The following PRKN variants were observed in gnomAD, a reference collection of about 807,000 sequenced individuals.
The protein encoded by PRKN is E3 ubiquitin-protein ligase parkin.
Under a neutral mutation model 59.5 loss-of-function variants are expected in PRKN, and 56 were observed. That is an observed-to-expected ratio of 0.94 (90% CI 0.76 to 1.18). The LOEUF (loss-of-function observed/expected upper bound fraction) is 1.18. PRKN is among the 50% of genes most tolerant of loss of function. The pLI, the probability that PRKN is intolerant of heterozygous loss-of-function variation, is 0.00. For synonymous variants in PRKN, 250 were observed against 222.1 expected, an observed-to-expected ratio of 1.13 and a Z score of -1.12; for missense variants, 657 against 596.4, an observed-to-expected ratio of 1.10 and a Z score of -1.06.
At chr6:162,632,074 C>T (rs1783131274) in intron 1 of PRKN, among the ~76,000 whole-genome samples, 1 of 151,722 alleles carries the variant, frequency 6.6e-6, no homozygotes, top group Admixed American at 6.6e-5. Flanking sequence ...TAAATTAGTC[C>T]AGCCACTGTG....
intron 6 of PRKN, among the ~76,000 whole-genome samples, chr6:161,882,973 C>A (rs540821806): frequency 1.3e-5 from 2 of 151,574 alleles, no homozygotes; most frequent in South Asian, 4.2e-4. Context: ...CCACAGCACT[C>A]CAGCCTGGGC....
At position 162,481,446 on chromosome 6, in the gene PRKN, G is replaced by A. The variant is rs145201782; in HGVS notation, c.8-37973C>T. ...TCTAAGATTCTACCACTACTGGTGG[G>A]GGAAAAAAAAGCAGTTTTTTTGTTA... On this transcript the variant is annotated intron_variant, in intron 1 of 11. Coordinates refer to ENST00000366898, the MANE Select transcript of PRKN (RefSeq NM_004562.3). Among the ~76,000 whole-genome samples the A allele has an allele frequency of 4.5e-3, 686 of 152,070 alleles. 3 individuals are homozygous for A. Among genetic ancestry groups the A allele is most frequent in the Non-Finnish European group, 7.4e-3 (503 of 67,972 alleles).
chr6:161,784,571 A>G (rs777670007), intron 7 of PRKN, among the ~76,000 whole-genome samples: 12 of 152,336 alleles, frequency 7.9e-5, no homozygotes, highest in Middle Eastern at 3.4e-3. Context: ...CAAATCCACA[A>G]TAAGACACCA....
intron 6 of PRKN, among the ~76,000 whole-genome samples, chr6:161,883,322 T>G (rs1795011961): frequency 6.6e-6 from 1 of 152,066 alleles, no homozygotes; most frequent in South Asian, 2.1e-4. Context: ...GCCAACATGG[T>G]GATACCCCAT....
chr6:162,676,656 T>C (rs1342076378), intron 1 of PRKN, among the ~76,000 whole-genome samples: 4 of 152,216 alleles, frequency 2.6e-5, no homozygotes, highest in African/African-American at 9.6e-5. Context: ...TTTAGCTAAA[T>C]ATTTTGAGCT....
In PRKN at chr6:162,718,951, T is replaced by C. The variant is rs111875701; in HGVS notation, c.7+8711A>G. Among the ~76,000 whole-genome samples, 245 of 150,694 alleles carry C rather than the reference T, an allele frequency of 1.6e-3. 2 individuals are homozygous for C. Among genetic ancestry groups the C allele is most frequent in the African/African-American group, 5.6e-3 (231 of 41,190 alleles). ...AGACACGGCAGATGCCACACACACA[T>C]ACACACACACACACACGAGAAAGGG... On this transcript the variant is annotated intron_variant, in intron 1 of 11. Transcript: ENST00000366898.
At chr6:162,489,008 T>G (rs57110552) in intron 1 of PRKN, among the ~76,000 whole-genome samples, 22,611 of 152,038 alleles carry the variant, frequency 0.15, 1,870 homozygotes, top group Non-Finnish European at 0.17. Context: ...CCTGAAACTT[T>G]AAAGATGAGT....
rs150296285 is a variant in PRKN, at chr6:161,352,926, C to A, written c.1286-2715G>T. On this transcript the variant is annotated intron_variant, in intron 11 of 11. Coordinates refer to ENST00000366898, the MANE Select transcript of PRKN (RefSeq NM_004562.3). This position sits in a 1 kb window ranked among gnomAD's most constrained non-coding sequence, Gnocchi z 5.8. ...TCTCGAGTAGTTGGAATTACAGGCACCTGCCACCACGCCTGGCTAAATTTT... is the reference window on the plus strand; with the variant it reads ...TCTCGAGTAGTTGGAATTACAGGCAACTGCCACCACGCCTGGCTAAATTTT... 0.015 allele frequency among the ~76,000 whole-genome samples: 2,342 copies of A among 151,980 alleles called. 70 individuals are homozygous for A. The highest frequency in any genetic ancestry group is 0.054 in the African/African-American group (2,232 of 41,426).
chr6:161,685,064 C>T (rs1375790184), intron 7 of PRKN, among the ~76,000 whole-genome samples: 1 of 152,136 alleles, frequency 6.6e-6, no homozygotes, highest in Admixed American at 6.5e-5. Context: ...ATTAGAACAT[C>T]GAATACTTCT....
At chr6:162,511,287 G>C (rs1583697386) in intron 1 of PRKN, among the ~76,000 whole-genome samples, 1 of 151,422 alleles carries the variant, frequency 6.6e-6, no homozygotes, top group East Asian at 1.9e-4. Flanking sequence ...AGATACATTA[G>C]CTCAAATTGA....
intron 1 of PRKN, among the ~76,000 whole-genome samples, chr6:162,513,988 G>T (rs1380618950): frequency 2.0e-5 from 3 of 151,984 alleles, no homozygotes; most frequent in Non-Finnish European, 2.9e-5. Flanking sequence ...GGAGGTTGCA[G>T]TAAGCCAAGA....
chr6:161,847,090 A>G (rs1793230486), intron 6 of PRKN, among the ~76,000 whole-genome samples: 1 of 152,150 alleles, frequency 6.6e-6, no homozygotes, highest in Non-Finnish European at 1.5e-5. Context: ...TGGGCAGATC[A>G]AGAGGTCAAG....
At chr6:162,484,761 T>C (rs1471770999) in intron 1 of PRKN, among the ~76,000 whole-genome samples, 4 of 152,226 alleles carry the variant, frequency 2.6e-5, no homozygotes, top group Non-Finnish European at 5.9e-5. Flanking sequence ...ACTGTGACTA[T>C]CTGTTCATCA....
chr6:161,572,694 A>G (rs1336898329), intron 7 of PRKN, among the ~76,000 whole-genome samples: 1 of 149,510 alleles, frequency 6.7e-6, no homozygotes, highest in Admixed American at 6.7e-5. Flanking sequence ...AAATAACCCA[A>G]GTGAATATTT....
At chr6:161,627,777 T>G (rs548226629) in intron 7 of PRKN, among the ~76,000 whole-genome samples, 1 of 152,334 alleles carries the variant, frequency 6.6e-6, no homozygotes, top group South Asian at 2.1e-4. Context: ...CCAGGGTGAC[T>G]AGGATAACTC....
intron 3 of PRKN, among the ~76,000 whole-genome samples, chr6:162,210,532 C>T (rs902491605): frequency 2.0e-5 from 3 of 152,256 alleles, no homozygotes; most frequent in South Asian, 2.1e-4. Flanking sequence ...CTTAAATCCA[C>T]TGCATTTTTG....
At chr6:162,717,089 T>C (rs1459448610) in intron 1 of PRKN, among the ~76,000 whole-genome samples, 3 of 152,158 alleles carry the variant, frequency 2.0e-5, no homozygotes, top group Non-Finnish European at 4.4e-5. Context: ...CCATGTGTTC[T>C]TTTAAGAGGA....
intron 1 of PRKN, among the ~76,000 whole-genome samples, chr6:162,558,624 C>A (rs929510856): frequency 3.3e-5 from 5 of 151,624 alleles, no homozygotes; most frequent in South Asian, 2.1e-4. Context: ...CCACTGTGCC[C>A]AGCAATTTTC....
At chr6:162,166,047 C>CAAAAA (rs10557222) in intron 4 of PRKN, among the ~76,000 whole-genome samples, 12 of 80,194 alleles carry the variant, frequency 1.5e-4, no homozygotes, top group African/African-American at 5.1e-4. Flanking sequence ...GACTCTATCT[C>CAAAAA]AAAAAAAAAA....
Sources: gnomAD v4.1 joint callset for allele counts (sites outside exome capture counted in the v4.1 genomes callset) on GRCh38, gnomAD v4.1.1 for gene constraint, Gnocchi (gnomAD v3.1) non-coding constraint, MANE v1.5 for transcripts, NCBI Gene and HGNC (gene_info 2026-07-23, HGNC 2026-07-21) for gene names.